The following HDAC9 variants were observed in gnomAD, a reference collection of about 807,000 sequenced individuals.
HDAC9 encodes the protein histone deacetylase 9.
Under a neutral mutation model 139.4 loss-of-function variants are expected in HDAC9, and 41 were observed. The ratio of observed to expected loss-of-function variants is 0.29; its 90% CI spans 0.23 to 0.38. HDAC9 has a LOEUF of 0.38. HDAC9 is among the 10% of genes least tolerant of loss of function. HDAC9 has a pLI of 1.00. For synonymous variants in HDAC9, 517 were observed against 476.2 expected, an observed-to-expected ratio of 1.09 and a Z score of -1.12; for missense variants, 1,147 against 1,297.0, an observed-to-expected ratio of 0.88 and a Z score of 1.78.
At chr7:18,732,870 C>CACACACGTGTGCGTATGTGTAT (rs1562893164) in intron 13 of HDAC9, among the ~76,000 whole-genome samples, 10 of 63,184 alleles carry the variant, frequency 1.6e-4, no homozygotes, top group South Asian at 5.2e-4. Context: ...CGTATGTGTA[C>CACACACGTGTGCGTATGTGTAT]ACACACACGT....
chr7:18,994,433 T>C (rs1786288313), intron 25 of HDAC9, among the ~76,000 whole-genome samples: 1 of 152,218 alleles, frequency 6.6e-6, no homozygotes, highest in Non-Finnish European at 1.5e-5. Flanking sequence ...TTCTGAAGTA[T>C]GACTCATTTA....
At chr7:18,809,589 G>T (rs934806484) in intron 17 of HDAC9, among the ~76,000 whole-genome samples, 1 of 151,974 alleles carries the variant, frequency 6.6e-6, no homozygotes, top group Non-Finnish European at 1.5e-5. Context: ...CCAGATAAAA[G>T]AAGGCATATA....
chr7:18,447,945 A>G (rs2128099509), intron 1 of HDAC9, among the ~76,000 whole-genome samples: 2 of 152,278 alleles, frequency 1.3e-5, no homozygotes, highest in Middle Eastern at 6.8e-3. Flanking sequence ...GGTTCAAGCA[A>G]TTCTCCTGCC....
intron 23 of HDAC9, among the ~76,000 whole-genome samples, chr7:18,944,371 TG>T (rs374278609): frequency 1.1e-3 from 168 of 152,298 alleles, no homozygotes; most frequent in African/African-American, 3.8e-3. Context: ...AGTAAATTTG[TG>T]GCCTTGTACC....
chr7:18,748,390 A>ATAT (rs1788163077), intron 13 of HDAC9, among the ~76,000 whole-genome samples: 1 of 152,196 alleles, frequency 6.6e-6, no homozygotes, highest in South Asian at 2.1e-4. Flanking sequence ...ATGCCCCACG[A>ATAT]TATTATAAGA....
chr7:18,474,859 G>A (rs1364824588), intron 1 of HDAC9, among the ~76,000 whole-genome samples: 1 of 152,074 alleles, frequency 6.6e-6, no homozygotes, highest in Non-Finnish European at 1.5e-5. Context: ...GTGGAAAGGG[G>A]AGGGGAGCAA....
intron 2 of HDAC9, among the ~76,000 whole-genome samples, chr7:18,164,199 C>A (rs1007389035): frequency 6.6e-6 from 1 of 152,064 alleles, no homozygotes; most frequent in Non-Finnish European, 1.5e-5. Context: ...AGTAAATGTG[C>A]CAGGTGGGTA....
At position 18,527,012 on chromosome 7, in the gene HDAC9, T is replaced by G. The variant is rs138836704; in HGVS notation, c.22+30688T>G. Among the ~76,000 whole-genome samples the G allele has an allele frequency of 6.6e-3, 1,006 of 152,252 alleles. 12 individuals carry two copies. Among genetic ancestry groups the G allele is most frequent in the Non-Finnish European group, 0.011 (741 of 67,992 alleles). ...AAGTCAGCAATATTAAATGATTTAG[T>G]ATAGAAAAAGGTGAGCTTTTACAAG... On this transcript the variant is annotated intron_variant, in intron 2 of 25. Transcript: ENST00000686413.
At chr7:18,536,604 A>T (rs1313784945) in intron 2 of HDAC9, among the ~76,000 whole-genome samples, 2 of 152,226 alleles carry the variant, frequency 1.3e-5, no homozygotes, top group Non-Finnish European at 2.9e-5. Flanking sequence ...TACTTAATCT[A>T]GCTAATACAT....
upstream of HDAC9, among the ~76,000 whole-genome samples, chr7:18,288,409 C>T (rs1797593973): frequency 6.6e-6 from 1 of 152,086 alleles, no homozygotes; most frequent in Non-Finnish European, 1.5e-5. Context: ...GTTTCTTATT[C>T]TAATACTAAA....
At chr7:18,851,882 C>A (rs1272604529) in intron 21 of HDAC9, among the ~76,000 whole-genome samples, 1 of 152,166 alleles carries the variant, frequency 6.6e-6, no homozygotes, top group African/African-American at 2.4e-5. Context: ...TATTTAGATT[C>A]ATTAGACTTT....
At chr7:18,809,767 T>C (rs1482667807) in intron 17 of HDAC9, among the ~76,000 whole-genome samples, 2 of 151,928 alleles carry the variant, frequency 1.3e-5, no homozygotes, top group Non-Finnish European at 2.9e-5. Flanking sequence ...ACACTGTTAA[T>C]GGGAATCTAA....
intron 2 of HDAC9, among the ~76,000 whole-genome samples, chr7:18,206,231 A>G (rs1791501035): frequency 6.6e-6 from 1 of 152,160 alleles, no homozygotes; most frequent in African/African-American, 2.4e-5. Flanking sequence ...GTTAATTGGT[A>G]ACAAGGAGGG....
chr7:18,668,015 A>G lies in HDAC9; in HGVS notation c.1731+1539A>G, dbSNP rs568965471. 9.1e-5 allele frequency: 89 copies of G among 976,944 alleles called. No homozygotes were observed. The African/African-American group carries it at 1.5e-3, about 16-fold the overall frequency. 60.5% of individuals were successfully genotyped at this position (976,944 alleles called of 1,614,324 possible). On this transcript the variant is annotated intron_variant, in intron 12 of 25. Coordinates refer to ENST00000686413, the MANE Select transcript of HDAC9 (RefSeq NM_178425.4). ...GAGGTATTTCAAGGTGTAGTATCCT[A>G]TTTCAAAGGAGATATAGCAGTTTTG...
intron 1 of HDAC9, among the ~76,000 whole-genome samples, chr7:18,447,928 C>A (rs1463658669): frequency 6.6e-6 from 1 of 152,286 alleles, no homozygotes; most frequent in South Asian, 2.1e-4. Flanking sequence ...TGCAGTTCTG[C>A]CTCCTGGGTT....
At chr7:18,739,437 T>G (rs984303732) in intron 13 of HDAC9, among the ~76,000 whole-genome samples, 2 of 152,212 alleles carry the variant, frequency 1.3e-5, no homozygotes, top group Non-Finnish European at 2.9e-5. Flanking sequence ...GACCTACAGA[T>G]GGGGTTTTGG....
At chr7:18,359,172 A>G (rs865897860) in intron 1 of HDAC9, among the ~76,000 whole-genome samples, 1 of 152,108 alleles carries the variant, frequency 6.6e-6, no homozygotes, top group Non-Finnish European at 1.5e-5. Flanking sequence ...CCCAGACAAC[A>G]TGGCAAAACC....
intron 12 of HDAC9, among the ~76,000 whole-genome samples, chr7:18,718,990 G>A (rs1284309340): frequency 6.6e-6 from 1 of 151,970 alleles, no homozygotes; most frequent in African/African-American, 2.4e-5. Context: ...GTAAATTGTT[G>A]GGGTTTTGAT....
chr7:18,141,291 T>C (rs530831900), intron 1 of HDAC9, among the ~76,000 whole-genome samples: 132 of 152,334 alleles, frequency 8.7e-4, no homozygotes, highest in African/African-American at 2.8e-3. Context: ...CTTTATCTGG[T>C]GATAAATTTT....
Sources: allele counts gnomAD v4.1 joint callset (sites outside exome capture counted in the v4.1 genomes callset), GRCh38; gene constraint gnomAD v4.1.1; transcripts MANE v1.5; gene names NCBI Gene and HGNC (gene_info 2026-07-23, HGNC 2026-07-21).